Variants in ATP13A1 observed in about 807,000 individuals in gnomAD.
The protein encoded by ATP13A1 is endoplasmic reticulum transmembrane helix translocase.
A neutral mutation model predicts 134.8 loss-of-function variants in ATP13A1; 55 were observed. The ratio of observed to expected loss-of-function variants is 0.41; its 90% confidence interval spans 0.33 to 0.51. The LOEUF (loss-of-function observed/expected upper bound fraction) is 0.51, where lower values mean the gene tolerates loss of function less well. Among genes scored for constraint, ATP13A1 ranks in the 20% least tolerant of loss-of-function variants. ATP13A1 has a pLI of 0.29. For missense variants in ATP13A1, 1,389 were observed against 1,652.8 expected (o/e 0.84, Z 2.77); for synonymous variants, 775 against 725.1 (o/e 1.07, Z -1.10).
In ATP13A1 at chr19:19,663,283, G is replaced by T; in HGVS notation, c.384C>A (p.Leu128=). Residue 128 remains leucine (L), a synonymous_variant, in exon 1 of 26, where the codon CTC becomes CTA. Transcript: ENST00000357324. The stretch of plus-strand genomic sequence containing the variant: ...TGTACACACTTACCGGGGTGCAGGT[G>T]AGCGCGCAATGCGCGTGCACAGACC... The part of the protein sequence containing the change: ...GHWSVHAHCA[L]TCTPEYDPSK... The T allele has an allele frequency of 6.3e-7, 1 of 1,583,384 alleles. No individual in the cohort carries two copies. The highest frequency in any genetic ancestry group is 8.6e-7 in the Non-Finnish European group (1 of 1,166,216).
At position 19,655,337 on chromosome 19, in the gene ATP13A1, G is replaced by A. The variant is rs780720306; in HGVS notation, c.1513C>T (p.Leu505Phe). The A allele has an allele frequency of 1.4e-5, 22 of 1,614,000 alleles. No homozygotes were observed. The South Asian group carries it at 2.4e-4, about 18-fold the overall frequency. Reference sequence around the variant, plus strand: ...TCACAGAGCTTGGCCAGGGCGATGAGGGAGGTGTTGACGGCCAGGGACAGC... The same window carrying A: ...TCACAGAGCTTGGCCAGGGCGATGAAGGAGGTGTTGACGGCCAGGGACAGC... ...IELSLAVNTSLIALAKLYMYC... is the reference protein window; with the variant it reads ...IELSLAVNTSFIALAKLYMYC... Residue 505 changes from leucine (L) to phenylalanine (F), a missense_variant, in exon 11 of 26, where the codon CTC (leucine) becomes TTC (phenylalanine). Coordinates refer to ENST00000357324, the MANE Select transcript of ATP13A1 (RefSeq NM_020410.3). The surrounding 1 kb of genome is among the most constrained non-coding windows in gnomAD (Gnocchi z 5.7).
chr19:19,662,182 G>A (rs552830210), intron 1 of ATP13A1: 6 of 1,549,284 alleles, frequency 3.9e-6, no homozygotes, highest in African/African-American at 2.7e-5. Context: ...AAGTTTGAGC[G>A]GTGCCACAGT....
chr19:19,659,224 A>G (rs2062078915), intron 3 of ATP13A1, among the ~76,000 whole-genome samples: 1 of 152,062 alleles, frequency 6.6e-6, no homozygotes, highest in Non-Finnish European at 1.5e-5. Flanking sequence ...GGAGGCCAAC[A>G]TGGGAGGATC....
At position 19,653,869 on chromosome 19, in the gene ATP13A1, T is replaced by C. The variant is rs1013206253; in HGVS notation, c.2015A>G (p.His672Arg). The change falls in exon 15 of 26, where the codon CAC (histidine) becomes CGC (arginine). Residue 672 changes from histidine (H) to arginine (R), a missense_variant. His to Arg is a conservative substitution (Grantham distance 29). Coordinates refer to ENST00000357324, the MANE Select transcript of ATP13A1 (RefSeq NM_020410.3). This position sits in a 1 kb window ranked among gnomAD's most constrained non-coding sequence, Gnocchi z 4.2. The part of the protein sequence containing the change: ...SMFSQCPPDY[H>R]HIHTEISREG... ...CCGGGAGATCTCGGTGTGGATGTGG[T>C]GGTAGTCGGGCGGGCACTGGGAGAA... 2.6e-6 allele frequency: 4 copies of C among 1,565,500 alleles called. No individual in the cohort carries two copies. The African/African-American group carries it at 4.1e-5, about 16-fold the overall frequency.
intron 16 of ATP13A1, 142 bp from the exon 17 acceptor site, chr19:19,651,939 A>G (rs1207893383): frequency 4.5e-5 from 29 of 648,228 alleles, no homozygotes; most frequent in African/African-American, 9.3e-5. Flanking sequence ...TGGGCTTCCA[A>G]GGGCCACAAC....
intron 16 of ATP13A1, 75 bp downstream of exon 16, chr19:19,652,520 T>C: frequency 1.3e-6 from 2 of 1,519,126 alleles, no homozygotes; most frequent in Non-Finnish European, 1.8e-6. Flanking sequence ...TGCCCACCCC[T>C]ACCACGAAGC....
rs550562408 is a variant in ATP13A1, at chr19:19,662,012, G to C, written c.396+1259C>G. 1.7e-4 allele frequency: 265 copies of C among 1,549,020 alleles called. 1 individual carries two copies. Among genetic ancestry groups the C allele is most frequent in the Admixed American group, 7.9e-5 (4 of 50,586 alleles). The stretch of plus-strand genomic sequence containing the variant: ...TTACGGTTCTCAGTTTACAGAAGGG[G>C]GAAACTGAAACTCAGAGAGCAGAAG... On this transcript the variant is annotated intron_variant, in intron 1 of 25. Coordinates refer to ENST00000357324, the MANE Select transcript of ATP13A1 (RefSeq NM_020410.3).
Position 19,645,561 on chromosome 19 carries a change from G to T in ATP13A1, c.3505-29C>A. ...TCGGGGCAGGGAGGGATGGTGAGCTGGAGACCTGCAGCCCAGCTCAGGGTC... is the reference window on the plus strand; with the variant it reads ...TCGGGGCAGGGAGGGATGGTGAGCTTGAGACCTGCAGCCCAGCTCAGGGTC... On this transcript the variant is annotated intron_variant, in intron 25 of 25. Transcript: ENST00000357324. This position sits in a 1 kb window ranked among gnomAD's most constrained non-coding sequence, Gnocchi z 4.1. The T allele has an allele frequency of 6.4e-7, 1 of 1,572,858 alleles. No individual in the cohort carries two copies.
chr19:19,651,537 G>C lies in ATP13A1; in HGVS notation c.2335+152C>G. The C allele has an allele frequency of 5.4e-6, 3 of 556,718 alleles. No homozygotes were observed. The East Asian group carries it at 9.4e-5, about 17-fold the overall frequency. 34.5% of individuals were successfully genotyped at this position (556,718 alleles called of 1,614,324 possible). A position where few individuals can be genotyped will look rare whatever the true frequency, so the allele number is the denominator to read the frequency against. ...CAGTGAACGCTCACATGCTGTCCGA[G>C]GTGCCCAGTGGGCCAGGGCTGTGAT... On this transcript the variant is annotated intron_variant, in intron 17 of 25. Coordinates refer to ENST00000357324, the MANE Select transcript of ATP13A1 (RefSeq NM_020410.3).
chr19:19,647,590 G>C lies in ATP13A1; in HGVS notation c.2793+9C>G. Reference sequence around the variant, plus strand: ...GATGGGGTGCAGCACCTCCCCTCTTGGGACTCACCCTCTGGGAGGTTGGCT... The same window carrying C: ...GATGGGGTGCAGCACCTCCCCTCTTCGGACTCACCCTCTGGGAGGTTGGCT... On this transcript the variant is annotated intron_variant, in intron 20 of 25. Coordinates refer to ENST00000357324, the MANE Select transcript of ATP13A1 (RefSeq NM_020410.3). This position sits in a 1 kb window ranked among gnomAD's most constrained non-coding sequence, Gnocchi z 4.8. The C allele has an allele frequency of 6.2e-7, 1 of 1,613,376 alleles. No homozygotes were observed. Among genetic ancestry groups the C allele is most frequent in the Non-Finnish European group, 8.5e-7 (1 of 1,179,682 alleles).
rs1347277541 is a variant in ATP13A1, at chr19:19,653,832, G to A, written c.2052C>T (p.Arg684=). The A allele has an allele frequency of 1.5e-5, 23 of 1,561,050 alleles. 1 individual carries two copies. Among genetic ancestry groups the A allele is most frequent in the South Asian group, 5.9e-5 (5 of 84,606 alleles). The stretch of plus-strand genomic sequence containing the variant: ...GCTCCTTGTACCCCAGCGCCAGGAC[G>A]CGGGCTCCTTCCCGGGAGATCTCGG... ...IHTEISREGA[R]VLALGYKELG... The change falls in exon 15 of 26, where the codon CGC becomes CGT. Residue 684 remains arginine, a synonymous_variant. Transcript: ENST00000357324. This position sits in a 1 kb window ranked among gnomAD's most constrained non-coding sequence, Gnocchi z 4.2.
chr19:19,657,367 T>G lies in ATP13A1; in HGVS notation c.719A>C (p.Glu240Ala). Residue 240 changes from glutamate (E) to alanine (A), a missense_variant, in exon 4 of 26, where the codon GAG (glutamate) becomes GCG (alanine). Glu to Ala is a moderately radical substitution (Grantham distance 107, BLOSUM62 -1). This residue lies in a region of ATP13A1 where 747 missense variants were observed against 956.1 expected (regional missense o/e 0.78). Coordinates refer to ENST00000357324, the MANE Select transcript of ATP13A1 (RefSeq NM_020410.3). ...VVPDFSELFK[E>A]RATAPFFVFQ... ...TACAAAGAAGGGGGCTGTGGCTCTC[T>G]CCTTGAAAAGCTCCGAGAAGTCAGG... is the stretch of plus-strand genomic sequence containing the variant. The G allele has an allele frequency of 6.4e-7, 1 of 1,574,028 alleles. No individual in the cohort carries two copies. Among genetic ancestry groups the G allele is most frequent in the Non-Finnish European group, 8.6e-7 (1 of 1,159,364 alleles).
chr19:19,655,274 GC>G lies in ATP13A1; in HGVS notation c.1535-36del. 1.4e-5 allele frequency: 22 copies of G among 1,613,928 alleles called. No homozygotes were observed. The highest frequency in any genetic ancestry group is 1.8e-5 in the Non-Finnish European group (21 of 1,179,866). ...GGAGTGAGGTCAGGGGTCCTGCTTGGCCCCAGCCCACTCGGCACCCCATCCC... is the reference window on the plus strand; with the variant it reads ...GGAGTGAGGTCAGGGGTCCTGCTTGGCCCAGCCCACTCGGCACCCCATCCC... On this transcript the variant is annotated intron_variant, in intron 11 of 25. Coordinates refer to ENST00000357324, the MANE Select transcript of ATP13A1 (RefSeq NM_020410.3). The surrounding 1 kb of genome is among the most constrained non-coding windows in gnomAD (Gnocchi z 5.7).
intron 1 of ATP13A1, chr19:19,662,209 T>C: frequency 2.0e-6 from 3 of 1,534,230 alleles, no homozygotes; most frequent in Non-Finnish European, 2.6e-6. Context: ...AACCCCTCCT[T>C]TATTTTGTCC....
Position 19,645,615 on chromosome 19 carries a change from A to G in ATP13A1, c.3504+32T>C, listed in dbSNP as rs1342667560. On this transcript the variant is annotated intron_variant, in intron 25 of 25. Coordinates refer to ENST00000357324, the MANE Select transcript of ATP13A1 (RefSeq NM_020410.3). The surrounding 1 kb of genome is among the most constrained non-coding windows in gnomAD (Gnocchi z 4.1). ...GCCATAGGAGGGACCCATCAAGCTG[A>G]GCCCCAGGGTCACCTCCACAGGGCC... 5 of 1,561,670 alleles carry G rather than the reference A, an allele frequency of 3.2e-6. No homozygotes were observed. Among genetic ancestry groups the G allele is most frequent in the Non-Finnish European group, 4.3e-6 (5 of 1,152,994 alleles).
intron 16 of ATP13A1, 33 bp from the exon 17 acceptor site, chr19:19,651,830 CA>C: frequency 6.5e-7 from 1 of 1,541,272 alleles, no homozygotes. Context: ...CTCAGCATGG[CA>C]CCCTGGGGCC....
At chr19:19,648,455 G>A (rs991633598) in intron 19 of ATP13A1, among the ~76,000 whole-genome samples, 3 of 147,328 alleles carry the variant, frequency 2.0e-5, no homozygotes, top group Non-Finnish European at 3.0e-5. Flanking sequence ...AAAAACCAAC[G>A]TAAGATTGAT....
rs995974791 is a variant in ATP13A1 at position 19,663,568 on chromosome 19, G to A, written c.99C>T (p.Arg33=). Residue 33 remains arginine, a synonymous_variant, in exon 1 of 26, where the codon CGC becomes CGT. Coordinates refer to ENST00000357324, the MANE Select transcript of ATP13A1 (RefSeq NM_020410.3). ...GCGCCGGCCCGGCGGCAAGGAGCGC[G>A]CGCGGCTGCGGCCCGGGCTTGGGCT... ...DGQPKPGPQP[R]ALLAAGPALI... is the part of the protein sequence containing the mutation. 3.3e-6 allele frequency: 5 copies of A among 1,503,598 alleles called. No individual in the cohort carries two copies. Among genetic ancestry groups the A allele is most frequent in the Admixed American group, 2.1e-5 (1 of 47,074 alleles). The allele number at this position is 1,503,598 out of a possible 1,614,324, so 93.1% of individuals were successfully genotyped here. A position where few individuals can be genotyped will look rare whatever the true frequency, so the allele number is the denominator to read the frequency against.
rs998965384 is a variant in ATP13A1, at chr19:19,654,026, G to A, written c.1932C>T (p.Ser644=). The A allele has an allele frequency of 3.1e-6, 5 of 1,598,656 alleles. No individual in the cohort carries two copies. The highest frequency in any genetic ancestry group is 1.7e-5 in the Admixed American group (1 of 57,428). Residue 644 remains serine, a synonymous_variant, in exon 14 of 26, where the codon TCC becomes TCT. Transcript: ENST00000357324. ...SVLASYEKLG[S]TDLCYIAAVK... ...CGGCCGCGATGTAGCAGAGGTCGGT[G>A]GAGCCCAGCTTCTCATACGAGGCAA...
Sources: allele counts gnomAD v4.1 joint callset (sites outside exome capture counted in the v4.1 genomes callset), GRCh38; gene constraint gnomAD v4.1.1; regional missense constraint gnomAD v4.1.1; non-coding constraint Gnocchi (gnomAD v3.1); transcripts MANE v1.5; gene names NCBI Gene and HGNC (gene_info 2026-07-23, HGNC 2026-07-21).